The following CA10 variants were observed in gnomAD, a reference collection of about 807,000 sequenced individuals.
The protein encoded by CA10 is carbonic anhydrase 10 (inactive).
A neutral mutation model predicts 44.2 loss-of-function variants in CA10; 14 were observed. That is an observed-to-expected ratio of 0.32 (90% CI 0.21 to 0.50). The LOEUF (loss-of-function observed/expected upper bound fraction) is 0.50, where lower values mean the gene tolerates loss of function less well. Among genes scored for constraint, CA10 ranks in the 20% least tolerant of loss-of-function variants. CA10 has a pLI of 0.99. For synonymous variants in CA10, 159 were observed against 141.6 expected, an observed-to-expected ratio of 1.12 and a Z score of -0.87; for missense variants, 350 against 409.7, an observed-to-expected ratio of 0.85 and a Z score of 1.26.
At chr17:51,748,126 A>G (rs76363212) in intron 3 of CA10, among the ~76,000 whole-genome samples, 2,884 of 152,288 alleles carry the variant, frequency 0.019, 112 homozygotes, top group African/African-American at 0.066. Context: ...TTCTTACTAT[A>G]AGGATTTGGA....
intron 1 of CA10, among the ~76,000 whole-genome samples, chr17:52,096,528 C>T (rs558831979): frequency 1.1e-4 from 17 of 152,300 alleles, no homozygotes; most frequent in Non-Finnish European, 2.1e-4. Flanking sequence ...ATCCTATCAA[C>T]GGCTATGACA....
chr17:51,782,931 C>T (rs1906119124), intron 3 of CA10, among the ~76,000 whole-genome samples: 1 of 152,196 alleles, frequency 6.6e-6, no homozygotes. Flanking sequence ...GCTTGACTTC[C>T]CTTGCTCCAA....
intron 2 of CA10, among the ~76,000 whole-genome samples, chr17:52,048,023 A>G (rs901816576): frequency 1.3e-5 from 2 of 150,492 alleles, no homozygotes; most frequent in Non-Finnish European, 3.0e-5. Flanking sequence ...GCTCCATCCA[A>G]TCTCCCACAC....
intron 4 of CA10, among the ~76,000 whole-genome samples, chr17:51,654,664 G>C (rs1021697914): frequency 1.1e-4 from 16 of 151,454 alleles, no homozygotes; most frequent in Non-Finnish European, 1.2e-4. Context: ...TCAAGTGATT[G>C]TCCTGCCTCA....
intron 3 of CA10, among the ~76,000 whole-genome samples, chr17:51,754,053 A>G (rs374110768): frequency 1.3e-5 from 2 of 152,064 alleles, no homozygotes; most frequent in African/African-American, 4.8e-5. Flanking sequence ...CATGTTGGCC[A>G]GGCTGGTCTC....
intron 2 of CA10, among the ~76,000 whole-genome samples, chr17:52,041,869 C>CG (rs1463927648): frequency 1.3e-5 from 2 of 151,994 alleles, no homozygotes; most frequent in African/African-American, 4.8e-5. Context: ...CTTGTTTCAT[C>CG]TTATATAATG....
At chr17:52,027,957 G>A (rs1986351783) in intron 2 of CA10, among the ~76,000 whole-genome samples, 1 of 152,094 alleles carries the variant, frequency 6.6e-6, no homozygotes, top group Non-Finnish European at 1.5e-5. Context: ...TTCAACACTG[G>A]TAGGCTGGAC....
chr17:52,132,364 T>TG (rs1305257746), intron 1 of CA10, among the ~76,000 whole-genome samples: 4 of 151,790 alleles, frequency 2.6e-5, no homozygotes, highest in East Asian at 1.9e-4. Flanking sequence ...GTAAAGCACA[T>TG]GGGGGGCTAA....
chr17:52,086,127 A>C (rs533183738), intron 1 of CA10, among the ~76,000 whole-genome samples: 1 of 152,364 alleles, frequency 6.6e-6, no homozygotes. Flanking sequence ...GGAGTGGTTT[A>C]CAGTGCAATG....
intron 1 of CA10, among the ~76,000 whole-genome samples, chr17:52,081,627 C>T (rs1052939758): frequency 5.3e-5 from 8 of 151,862 alleles, no homozygotes; most frequent in Middle Eastern, 3.4e-3. Flanking sequence ...GGTGAAACCC[C>T]GTCTCTACTA....
rs868813477 is a variant in CA10, at chr17:51,743,271, G to T, written c.465+4362C>A. Among the ~76,000 whole-genome samples, 6 of 152,304 alleles carry T rather than the reference G, an allele frequency of 3.9e-5. No homozygotes were observed. The South Asian group carries it at 1.2e-3, about 32-fold the overall frequency. ...CCCCCACTACTGCAATGGAATCTAA[G>T]GCATGTTTCTTTTCAAATATTATTT... On this transcript the variant is annotated intron_variant, in intron 4 of 8. Coordinates refer to ENST00000451037, the MANE Select transcript of CA10 (RefSeq NM_020178.5).
chr17:51,658,900 C>T (rs1913899170), intron 4 of CA10, among the ~76,000 whole-genome samples: 1 of 152,148 alleles, frequency 6.6e-6, no homozygotes, highest in Non-Finnish European at 1.5e-5. Flanking sequence ...TGCAACTATT[C>T]TCTTTGTGTC....
chr17:51,664,883 A>G (rs1179980735), intron 4 of CA10, among the ~76,000 whole-genome samples: 1 of 152,218 alleles, frequency 6.6e-6, no homozygotes, highest in Non-Finnish European at 1.5e-5. Flanking sequence ...ATCCAGGGGC[A>G]ATGACTCTCA....
chr17:51,825,303 TTC>T lies in CA10; in HGVS notation c.280-77487_280-77486del, dbSNP rs372537155. ...AAATTAGGCTTTGATGCTTTTTTCCTTCTTTTTTTTTTAACTCTGCTGGGACC... is the reference window on the plus strand; with the variant it reads ...AAATTAGGCTTTGATGCTTTTTTCCTTTTTTTTTTTAACTCTGCTGGGACC... On this transcript the variant is annotated intron_variant, in intron 3 of 8. Coordinates refer to ENST00000451037, the MANE Select transcript of CA10 (RefSeq NM_020178.5). Among the ~76,000 whole-genome samples, 834 of 150,020 alleles carry T rather than the reference TTC, an allele frequency of 5.6e-3. 8 individuals carry two copies. Among genetic ancestry groups the T allele is most frequent in the African/African-American group, 0.02 (800 of 39,576 alleles).
chr17:51,929,377 T>C (rs1393675561), intron 3 of CA10, among the ~76,000 whole-genome samples: 1 of 152,142 alleles, frequency 6.6e-6, no homozygotes, highest in Non-Finnish European at 1.5e-5. Context: ...CCATAACTCG[T>C]AGGCGAAGGA....
intron 1 of CA10, among the ~76,000 whole-genome samples, chr17:52,108,194 T>TTATATATATA (rs71149392): frequency 3.4e-5 from 2 of 57,992 alleles, no homozygotes; most frequent in African/African-American, 1.4e-4. Context: ...TATATATTTT[T>TTATATATATA]TATATATATA....
At chr17:51,990,286 G>A (rs992128245) in intron 2 of CA10, among the ~76,000 whole-genome samples, 13 of 152,092 alleles carry the variant, frequency 8.5e-5, no homozygotes, top group African/African-American at 3.1e-4. Flanking sequence ...ATAGGTGCTA[G>A]TAGACATATT....
At chr17:51,765,039 T>G (rs1905322752) in intron 3 of CA10, among the ~76,000 whole-genome samples, 1 of 152,236 alleles carries the variant, frequency 6.6e-6, no homozygotes, top group Non-Finnish European at 1.5e-5. Context: ...GATCATCTTT[T>G]TATCTCAGCA....
chr17:52,114,441 A>G (rs1206100533), intron 1 of CA10, among the ~76,000 whole-genome samples: 2 of 152,204 alleles, frequency 1.3e-5, no homozygotes, highest in East Asian at 3.9e-4. Context: ...CAGTTTGCCC[A>G]GTTGTAAATG....
Sources: allele counts gnomAD v4.1 joint callset (sites outside exome capture counted in the v4.1 genomes callset), GRCh38; gene constraint gnomAD v4.1.1; transcripts MANE v1.5; gene names NCBI Gene and HGNC (gene_info 2026-07-23, HGNC 2026-07-21).